VASP: variants seen among roughly 807,000 people sequenced by gnomAD.
VASP encodes the protein vasodilator stimulated phosphoprotein.
Under a neutral mutation model 54.4 loss-of-function variants are expected in VASP, and 27 were observed. The ratio of observed to expected loss-of-function variants is 0.50; its 90% CI spans 0.37 to 0.68. The LOEUF is 0.68. Ranked by LOEUF, VASP falls within the 30% of genes least tolerant of loss-of-function variation. The pLI is 0.00. For missense variants in VASP, 488 were observed against 528.3 expected (o/e 0.92, Z 0.75); for synonymous variants, 233 against 209.8 (o/e 1.11, Z -0.96).
At chr19:45,515,845 G>A (rs1968691376) in intron 1 of VASP, among the ~76,000 whole-genome samples, 1 of 152,078 alleles carries the variant, frequency 6.6e-6, no homozygotes, top group Non-Finnish European at 1.5e-5. Flanking sequence ...GCTGTACCAA[G>A]CCCTTTAGGT....
intron 1 of VASP, among the ~76,000 whole-genome samples, chr19:45,514,183 G>A (rs1455317095): frequency 6.6e-6 from 1 of 152,174 alleles, no homozygotes; most frequent in African/African-American, 2.4e-5. Context: ...AGGCAGGAAT[G>A]TGTCTGGCCT....
At chr19:45,519,907 T>C (rs1263039157) in intron 3 of VASP, among the ~76,000 whole-genome samples, 2 of 119,716 alleles carry the variant, frequency 1.7e-5, no homozygotes, top group African/African-American at 3.5e-5. Flanking sequence ...TTTTTTTTTT[T>C]TTTTTTTTTT....
At chr19:45,513,063 A>G (rs542725729) in intron 1 of VASP, among the ~76,000 whole-genome samples, 3 of 151,592 alleles carry the variant, frequency 2.0e-5, no homozygotes, top group African/African-American at 7.2e-5. Context: ...ATCTGGGGCA[A>G]GTGCCTTCAC....
rs761657804 is a variant in VASP, at chr19:45,507,805, C to G, written c.5+29C>G. On this transcript the variant is annotated intron_variant, in intron 1 of 12. Transcript: ENST00000245932. This position sits in a 1 kb window ranked among gnomAD's most constrained non-coding sequence, Gnocchi z 4.4. ...AGCCGGACCTGCCCCCCGACCCGTC[C>G]CCGCCCGGGCGGGCTCCGCGCCCCG... is the stretch of plus-strand genomic sequence containing the variant. 1.9e-3 allele frequency: 2,667 copies of G among 1,376,710 alleles called. 5 individuals carry two copies. The highest frequency in any genetic ancestry group is 2.4e-3 in the Non-Finnish European group (2,568 of 1,072,700). The allele number at this position is 1,376,710 out of a possible 1,614,324, so 85.3% of individuals were successfully genotyped here. A position where few individuals can be genotyped will look rare whatever the true frequency, so the allele number is the denominator to read the frequency against.
rs1392952463 is a variant in VASP at position 45,507,627 on chromosome 19, C to G, written c.-145C>G. On this transcript the variant is annotated 5_prime_UTR_variant, in exon 1 of 13. Coordinates refer to ENST00000245932, the MANE Select transcript of VASP (RefSeq NM_003370.4). This position sits in a 1 kb window ranked among gnomAD's most constrained non-coding sequence, Gnocchi z 4.4. The stretch of plus-strand genomic sequence containing the variant: ...GACCCGCCCCGGCCCGGTCCACATT[C>G]TCCCCAGGAAGCCGGACTCTATGGG... 2.8e-5 allele frequency: 30 copies of G among 1,060,678 alleles called. No homozygotes were observed. The highest frequency in any genetic ancestry group is 3.9e-5 in the Non-Finnish European group (30 of 761,772). 65.7% of individuals were successfully genotyped at this position (1,060,678 alleles called of 1,614,324 possible).
intron 1 of VASP, among the ~76,000 whole-genome samples, chr19:45,514,593 C>T (rs996947542): frequency 1.2e-4 from 18 of 152,198 alleles, no homozygotes; most frequent in African/African-American, 4.3e-4. Context: ...AAGACCACCC[C>T]TTGGTCACCC....
At chr19:45,516,850 A>G (rs911138780) in intron 1 of VASP, among the ~76,000 whole-genome samples, 21 of 151,856 alleles carry the variant, frequency 1.4e-4, no homozygotes, top group Admixed American at 5.9e-4. Context: ...AATACAAAAA[A>G]TTAGCTGGGC....
intron 3 of VASP, 32 bp downstream of exon 3, chr19:45,518,126 T>A: frequency 1.2e-6 from 2 of 1,600,892 alleles, no homozygotes; most frequent in Non-Finnish European, 1.7e-6. Context: ...AGGGGACCAG[T>A]GAATGCGGCT....
chr19:45,524,476 A>G, intron 10 of VASP, 94 bp from the exon 11 acceptor site: 1 of 1,300,862 alleles, frequency 7.7e-7, no homozygotes, highest in Non-Finnish European at 1.1e-6. Flanking sequence ...CCAATTTATA[A>G]GGCAGAGCTC....
chr19:45,525,227 G>A (rs996363069), intron 11 of VASP: 6 of 154,980 alleles, frequency 3.9e-5, no homozygotes, highest in African/African-American at 1.2e-4. Context: ...ACCAGCCTGG[G>A]GCAACATCGG....
At chr19:45,516,608 G>A (rs1968706136) in intron 1 of VASP, among the ~76,000 whole-genome samples, 1 of 152,138 alleles carries the variant, frequency 6.6e-6, no homozygotes, top group Non-Finnish European at 1.5e-5. Flanking sequence ...CACTGGCATT[G>A]GCCTCGGCCT....
rs954814125 is a variant in VASP, at chr19:45,524,974, G to A, written c.1047+314G>A. 8.1e-5 allele frequency: 24 copies of A among 294,720 alleles called. No homozygotes were observed. The Admixed American group carries it at 1.0e-3, about 12-fold the overall frequency. 18.3% of individuals were successfully genotyped at this position (294,720 alleles called of 1,614,324 possible). A position where few individuals can be genotyped will look rare whatever the true frequency, so the allele number is the denominator to read the frequency against. On this transcript the variant is annotated intron_variant, in intron 11 of 12. Transcript: ENST00000245932. ...AATGCGCTTGCCAACCTTGGTACTGGATGTTCTCCAGTACTTTTCCGGCTC... is the reference window on the plus strand; with the variant it reads ...AATGCGCTTGCCAACCTTGGTACTGAATGTTCTCCAGTACTTTTCCGGCTC...
chr19:45,516,249 C>T (rs1968698784), intron 1 of VASP, among the ~76,000 whole-genome samples: 1 of 152,228 alleles, frequency 6.6e-6, no homozygotes, highest in Non-Finnish European at 1.5e-5. Flanking sequence ...TGGGTCACTG[C>T]TGTGTCTTCA....
intron 11 of VASP, 153 bp downstream of exon 11, chr19:45,524,813 AC>A: frequency 1.1e-5 from 7 of 649,692 alleles, no homozygotes; most frequent in South Asian, 7.4e-5. Flanking sequence ...GATGACCGAG[AC>A]TCCACACCCC....
intron 11 of VASP, 50 bp downstream of exon 11, chr19:45,524,710 G>A (rs780435706): frequency 6.4e-7 from 1 of 1,564,126 alleles, no homozygotes; most frequent in Non-Finnish European, 8.8e-7. Context: ...TCTAGGTCTG[G>A]CCCCTGCCAC....
At chr19:45,522,141 C>T (rs948675849) in intron 4 of VASP, 27 bp from the exon 5 acceptor site, 19 of 1,612,994 alleles carry the variant, frequency 1.2e-5, no homozygotes, top group Middle Eastern at 3.8e-4. Context: ...CCCTGATTGA[C>T]GGCAGCTCTC....
In VASP at chr19:45,526,300, C is replaced by G; in HGVS notation, c.*123C>G. 8.2e-7 allele frequency: 1 copy of G among 1,224,218 alleles called. No homozygotes were observed. The highest frequency in any genetic ancestry group is 1.1e-6 in the Non-Finnish European group (1 of 908,262). The allele number at this position is 1,224,218 out of a possible 1,614,324, so 75.8% of individuals were successfully genotyped here. The stretch of plus-strand genomic sequence containing the variant: ...CACAGGAATGCATCGTTCCCACTCC[C>G]CATCCCACTTGGAAAACTCCAAGGG... On this transcript the variant is annotated 3_prime_UTR_variant, in exon 13 of 13. Transcript: ENST00000245932.
intron 10 of VASP, 129 bp from the exon 11 acceptor site, chr19:45,524,441 G>T: frequency 1.1e-6 from 1 of 926,498 alleles, no homozygotes; most frequent in Non-Finnish European, 1.7e-6. Flanking sequence ...AAAAAAACTG[G>T]GGCCCCAAAA....
At chr19:45,515,597 C>G (rs1390211453) in intron 1 of VASP, among the ~76,000 whole-genome samples, 1 of 152,058 alleles carries the variant, frequency 6.6e-6, no homozygotes. Flanking sequence ...AGTGCAATGG[C>G]GTGATCTCAG....
Sources: gnomAD v4.1 joint callset for allele counts (sites outside exome capture counted in the v4.1 genomes callset) on GRCh38, gnomAD v4.1.1 for gene constraint, Gnocchi (gnomAD v3.1) non-coding constraint, MANE v1.5 for transcripts, NCBI Gene and HGNC (gene_info 2026-07-23, HGNC 2026-07-21) for gene names.